The following SLC2A9 variants were observed in gnomAD, a reference collection of about 807,000 sequenced individuals.
The protein encoded by SLC2A9 is solute carrier family 2, facilitated glucose transporter member 9.
A neutral mutation model predicts 50.6 loss-of-function variants in SLC2A9; 39 were observed. The observed-to-expected ratio is 0.77, with a 90% CI of 0.60 to 1.01. The LOEUF is 1.01. Among genes scored for constraint, SLC2A9 ranks in the 50% least tolerant of loss-of-function variants. The pLI is 0.00. For synonymous variants in SLC2A9, 324 were observed against 276.9 expected, an observed-to-expected ratio of 1.17 and a Z score of -1.69; for missense variants, 686 against 677.6, an observed-to-expected ratio of 1.01 and a Z score of -0.14.
intron 10 of SLC2A9, among the ~76,000 whole-genome samples, chr4:9,844,504 T>A (rs559745049): frequency 6.6e-6 from 1 of 152,336 alleles, no homozygotes; most frequent in African/African-American, 2.4e-5. Context: ...TTCTTCCCCC[T>A]CATTGGTAAA....
At chr4:10,020,578 A>G (rs1472997775) in intron 1 of SLC2A9, among the ~76,000 whole-genome samples, 1 of 152,194 alleles carries the variant, frequency 6.6e-6, no homozygotes, top group Non-Finnish European at 1.5e-5. Flanking sequence ...CTGATGGAAC[A>G]GAATCACATT....
rs777203345 is a variant in SLC2A9 at position 9,826,618 on chromosome 4, C to T, written c.1420-18G>A. 1.2e-6 allele frequency: 2 copies of T among 1,607,768 alleles called. No individual in the cohort carries two copies. Among genetic ancestry groups the T allele is most frequent in the East Asian group, 4.5e-5 (2 of 44,836 alleles). On this transcript the variant is annotated intron_variant, in intron 11 of 11. Coordinates refer to ENST00000264784, the MANE Select transcript of SLC2A9 (RefSeq NM_020041.3). Reference sequence around the variant, plus strand: ...AGACTTTTCTGTGGAAAGGCAGAGACAAAAACCCTCAAATAGATAATCAGT... The same window carrying T: ...AGACTTTTCTGTGGAAAGGCAGAGATAAAAACCCTCAAATAGATAATCAGT...
chr4:9,808,598 A>G (rs1299401547), intron 3 of SLC2A9, among the ~76,000 whole-genome samples: 2 of 152,152 alleles, frequency 1.3e-5, no homozygotes, highest in Non-Finnish European at 2.9e-5. Context: ...TTAACCTGTT[A>G]TTAGTATGGT....
chr4:9,862,533 C>T (rs754693016), intron 10 of SLC2A9, among the ~76,000 whole-genome samples: 12 of 152,068 alleles, frequency 7.9e-5, no homozygotes, highest in South Asian at 4.1e-4. Flanking sequence ...CAACTAAGGA[C>T]CTATGAGGGT....
intron 5 of SLC2A9, among the ~76,000 whole-genome samples, chr4:9,952,533 TG>T (rs1560374431): frequency 5.3e-4 from 68 of 128,822 alleles, no homozygotes; most frequent in Admixed American, 1.3e-3. Context: ...CAGATCTGTC[TG>T]TCTTTTTTTT....
At chr4:9,984,664 C>T (rs9992406) in intron 4 of SLC2A9, among the ~76,000 whole-genome samples, 33,855 of 152,040 alleles carry the variant, frequency 0.22, 4,214 homozygotes, top group African/African-American at 0.31. Flanking sequence ...AAGAGAGCAG[C>T]GTTTGTCTGA....
intron 10 of SLC2A9, among the ~76,000 whole-genome samples, chr4:9,842,702 A>T (rs1306824023): frequency 6.6e-6 from 1 of 152,224 alleles, no homozygotes; most frequent in African/African-American, 2.4e-5. Flanking sequence ...TTCATATCAC[A>T]GTACTCAATA....
chr4:9,932,831 T>C (rs2110189342), intron 6 of SLC2A9, among the ~76,000 whole-genome samples: 1 of 152,324 alleles, frequency 6.6e-6, no homozygotes, highest in East Asian at 1.9e-4. Flanking sequence ...AAATGATATC[T>C]CCTTACTCCC....
chr4:9,801,562 C>T (rs1012798107), intron 3 of SLC2A9, among the ~76,000 whole-genome samples: 2 of 152,122 alleles, frequency 1.3e-5, no homozygotes, highest in Non-Finnish European at 2.9e-5. Flanking sequence ...GAGTCTCATC[C>T]CCATCGTTGA....
chr4:9,860,875 A>AC (rs1457111076), intron 10 of SLC2A9, among the ~76,000 whole-genome samples: 1 of 152,188 alleles, frequency 6.6e-6, no homozygotes, highest in African/African-American at 2.4e-5. Flanking sequence ...GGGCCTTTGT[A>AC]CCAGCTGCTC....
chr4:9,934,233 G>A (rs1303441195), intron 6 of SLC2A9, among the ~76,000 whole-genome samples: 1 of 152,156 alleles, frequency 6.6e-6, no homozygotes, highest in Non-Finnish European at 1.5e-5. Context: ...TTTGTACAAA[G>A]CAAAATTCAC....
chr4:9,970,441 G>A (rs1276784495), intron 5 of SLC2A9, among the ~76,000 whole-genome samples: 1 of 152,116 alleles, frequency 6.6e-6, no homozygotes, highest in Non-Finnish European at 1.5e-5. Flanking sequence ...GTAGTCACAA[G>A]TACAGAAGCT....
rs182267341 is a variant in SLC2A9, at chr4:9,832,601, C to A, written c.1419+2280G>T. 5.3e-4 allele frequency among the ~76,000 whole-genome samples: 81 copies of A among 152,166 alleles called. No homozygotes were observed. In the Middle Eastern group the frequency reaches 0.01, roughly 19 times the overall value. On this transcript the variant is annotated intron_variant, in intron 11 of 11. Coordinates refer to ENST00000264784, the MANE Select transcript of SLC2A9 (RefSeq NM_020041.3). Reference sequence around the variant, plus strand: ...AACTGTTTCCAGAGGGGATTTGTTTCGAAAATGCCCACAGGCATAAGAAAA... The same window carrying A: ...AACTGTTTCCAGAGGGGATTTGTTTAGAAAATGCCCACAGGCATAAGAAAA...
At chr4:9,975,576 G>A (rs1754662234) in intron 5 of SLC2A9, among the ~76,000 whole-genome samples, 1 of 152,102 alleles carries the variant, frequency 6.6e-6, no homozygotes, top group African/African-American at 2.4e-5. Flanking sequence ...CAGTCAGAAG[G>A]GCTGTGATTA....
At chr4:10,000,128 A>T (rs1160153828) in intron 2 of SLC2A9, among the ~76,000 whole-genome samples, 1 of 152,148 alleles carries the variant, frequency 6.6e-6, no homozygotes, top group African/African-American at 2.4e-5. Flanking sequence ...TGGATTCACA[A>T]CTATCTTACT....
chr4:10,024,781 C>T (rs78912145), upstream of SLC2A9, among the ~76,000 whole-genome samples: 725 of 152,266 alleles, frequency 4.8e-3, 7 homozygotes, highest in African/African-American at 0.016. Context: ...AAAAAGTTGT[C>T]TTGGACAAGG....
chr4:9,924,675 C>A (rs1330016797), intron 6 of SLC2A9, among the ~76,000 whole-genome samples: 1 of 152,148 alleles, frequency 6.6e-6, no homozygotes, highest in African/African-American at 2.4e-5. Context: ...CCCAGCTGGG[C>A]AAGTGGTGCT....
intron 3 of SLC2A9, among the ~76,000 whole-genome samples, chr4:9,785,663 T>C (rs2108865555): frequency 6.6e-6 from 1 of 152,356 alleles, no homozygotes; most frequent in South Asian, 2.1e-4. Flanking sequence ...AAAATATCAC[T>C]CACCATTCAT....
Position 9,826,391 on chromosome 4 carries a change from A to G in SLC2A9, c.*6T>C, listed in dbSNP as rs777931372. On this transcript the variant is annotated 3_prime_UTR_variant, in exon 12 of 12. Coordinates refer to ENST00000264784, the MANE Select transcript of SLC2A9 (RefSeq NM_020041.3). ...CATAATTGTCCAACGTGGAGGAGGA[A>G]ACTTGTTAAGGCCTTCCATTTATCT... The G allele has an allele frequency of 1.1e-5, 17 of 1,613,824 alleles. No homozygotes were observed. Among genetic ancestry groups the G allele is most frequent in the Non-Finnish European group, 1.4e-5 (17 of 1,179,818 alleles).
Sources: allele counts gnomAD v4.1 joint callset (sites outside exome capture counted in the v4.1 genomes callset), GRCh38; gene constraint gnomAD v4.1.1; transcripts MANE v1.5; gene names NCBI Gene and HGNC (gene_info 2026-07-23, HGNC 2026-07-21).